Variants in LRP6 observed in about 807,000 individuals in gnomAD.
The protein encoded by LRP6 is LDL receptor related protein 6.
LRP6 carries 43 observed loss-of-function variants against 184.1 expected under a neutral mutation model. The ratio of observed to expected loss-of-function variants is 0.23; its 90% CI spans 0.18 to 0.30. The LOEUF (loss-of-function observed/expected upper bound fraction) is 0.30, where lower values mean the gene tolerates loss of function less well. Among genes scored for constraint, LRP6 ranks in the 10% least tolerant of loss-of-function variants. The pLI is 1.00. For synonymous variants in LRP6, 719 were observed against 684.9 expected (o/e 1.05, Z -0.78); for missense variants, 1,571 against 2,005.3 (o/e 0.78, Z 4.14).
intron 2 of LRP6, among the ~76,000 whole-genome samples, chr12:12,220,779 T>C (rs995011242): frequency 1.3e-5 from 2 of 152,148 alleles, no homozygotes; most frequent in East Asian, 1.9e-4. Flanking sequence ...TTTCTATTTT[T>C]AGGAGACACA....
chr12:12,236,184 G>A (rs534709681), intron 2 of LRP6, among the ~76,000 whole-genome samples: 35 of 152,132 alleles, frequency 2.3e-4, no homozygotes, highest in African/African-American at 8.2e-4. Context: ...CCAAGATGGC[G>A]CCACTGCACT....
At position 12,203,034 on chromosome 12, in the gene LRP6, A is replaced by T. The variant is rs145391306; in HGVS notation, c.647+169T>A. Among the ~76,000 whole-genome samples the T allele has an allele frequency of 5.0e-3, 766 of 152,352 alleles. 3 individuals carry two copies. The highest frequency in any genetic ancestry group is 7.5e-3 in the Non-Finnish European group (513 of 68,034). On this transcript the variant is annotated intron_variant, in intron 3 of 22. Transcript: ENST00000261349. ...CTAAATGCTATCAAGATGGATGATA[A>T]ATGTAATTACTTTTAAAGCACTTTT...
intron 2 of LRP6, among the ~76,000 whole-genome samples, chr12:12,237,445 A>T (rs2135904934): frequency 6.6e-6 from 1 of 152,332 alleles, no homozygotes; most frequent in South Asian, 2.1e-4. Context: ...CCATCAAGGA[A>T]TGCTAAAATT....
intron 13 of LRP6, 97 bp downstream of exon 13, chr12:12,150,739 C>A: frequency 7.8e-7 from 1 of 1,281,874 alleles, no homozygotes; most frequent in Admixed American, 1.7e-5. Flanking sequence ...CACATACACA[C>A]ACACTTAAGC....
At chr12:12,168,399 A>G (rs995730508) in intron 7 of LRP6, among the ~76,000 whole-genome samples, 6 of 152,232 alleles carry the variant, frequency 3.9e-5, no homozygotes, top group African/African-American at 1.2e-4. Context: ...AAAAAAAGAA[A>G]TGAGTTAAGA....
chr12:12,186,903 A>T lies in LRP6; in HGVS notation c.844+20T>A, dbSNP rs1164851032. ...ACAAAGCTGTTCCAACTTGCAATTT[A>T]AAAATCAAGGATCACTTACCATTTG... On this transcript the variant is annotated intron_variant, in intron 4 of 22. Transcript: ENST00000261349. 3.7e-6 allele frequency: 6 copies of T among 1,610,404 alleles called. No homozygotes were observed. Among genetic ancestry groups the T allele is most frequent in the Non-Finnish European group, 4.2e-6 (5 of 1,176,730 alleles).
chr12:12,249,030 A>G lies in LRP6; in HGVS notation c.56-4375T>C. ...GGCTCGGGGGTAAAAGTCCCTTGCA[A>G]TTTCCCACTTTTGGAAGAACTCAAA... On this transcript the variant is annotated intron_variant, in intron 1 of 22. Transcript: ENST00000261349. The G allele has an allele frequency of 9.2e-6, 6 of 655,244 alleles. No individual in the cohort carries two copies. The South Asian group carries it at 9.7e-5, about 11-fold the overall frequency. 40.6% of individuals were successfully genotyped at this position (655,244 alleles called of 1,614,324 possible). A position where few individuals can be genotyped will look rare whatever the true frequency, so the allele number is the denominator to read the frequency against.
chr12:12,133,648 G>A (rs1160899281), intron 17 of LRP6, among the ~76,000 whole-genome samples: 2 of 151,864 alleles, frequency 1.3e-5, no homozygotes, highest in Admixed American at 6.6e-5. Flanking sequence ...GTCAAAACTC[G>A]TTTTAATACA....
chr12:12,176,678 C>T (rs1863191393), intron 7 of LRP6, among the ~76,000 whole-genome samples: 2 of 152,098 alleles, frequency 1.3e-5, no homozygotes, highest in Admixed American at 6.6e-5. Context: ...TTCCACTAAG[C>T]GAGCAGGTAG....
At chr12:12,257,352 G>C (rs1455768453) in intron 1 of LRP6, among the ~76,000 whole-genome samples, 3 of 152,130 alleles carry the variant, frequency 2.0e-5, no homozygotes, top group Non-Finnish European at 2.9e-5. Context: ...GCCGAGGCGG[G>C]TGGATCACGA....
At chr12:12,162,851 C>A (rs1462527573) in intron 9 of LRP6, among the ~76,000 whole-genome samples, 1 of 152,114 alleles carries the variant, frequency 6.6e-6, no homozygotes, top group African/African-American at 2.4e-5. Flanking sequence ...AGCACTGAGT[C>A]CCATAACACT....
chr12:12,164,150 A>T, intron 9 of LRP6, 123 bp downstream of exon 9: 125 of 724,860 alleles, frequency 1.7e-4, no homozygotes, highest in Non-Finnish European at 2.5e-4. Flanking sequence ...AAAAAACTTG[A>T]GGGTTTTTGT....
chr12:12,261,402 C>CAA lies in LRP6; in HGVS notation c.55+5277_55+5278dup, dbSNP rs36054178. Reference sequence around the variant, plus strand: ...TGGGCGACAGAGCAAGACTCCGTCTCAAAAAAAAAAAAAAAAATTGAACCA... The same window carrying CAA: ...TGGGCGACAGAGCAAGACTCCGTCTCAAAAAAAAAAAAAAAAAAATTGAACCA... On this transcript the variant is annotated intron_variant, in intron 1 of 22. Coordinates refer to ENST00000261349, the MANE Select transcript of LRP6 (RefSeq NM_002336.3). Among the ~76,000 whole-genome samples the CAA allele has an allele frequency of 1.7e-3, 190 of 111,714 alleles. 1 individual carries two copies. Among genetic ancestry groups the CAA allele is most frequent in the Middle Eastern group, 5.0e-3 (1 of 202 alleles). 73.3% of individuals were successfully genotyped at this position (111,714 alleles called of 152,430 possible). A position where few individuals can be genotyped will look rare whatever the true frequency, so the allele number is the denominator to read the frequency against.
intron 2 of LRP6, among the ~76,000 whole-genome samples, chr12:12,230,058 T>C (rs1864741801): frequency 6.6e-6 from 1 of 152,254 alleles, no homozygotes; most frequent in South Asian, 2.1e-4. Context: ...TTGCTGTGTC[T>C]GGTCTCATAT....
chr12:12,230,874 T>A (rs1864765020), intron 2 of LRP6, among the ~76,000 whole-genome samples: 1 of 151,888 alleles, frequency 6.6e-6, no homozygotes, highest in Admixed American at 6.6e-5. Flanking sequence ...AGACCAAAAA[T>A]GAACAGGAAA....
chr12:12,160,198 A>C (rs752940520), intron 10 of LRP6, among the ~76,000 whole-genome samples: 1 of 152,138 alleles, frequency 6.6e-6, no homozygotes, highest in Admixed American at 6.5e-5. Context: ...TTTCCAATAC[A>C]TTTGTTCCAT....
chr12:12,135,995 G>A (rs1949833959), intron 16 of LRP6, among the ~76,000 whole-genome samples: 1 of 152,000 alleles, frequency 6.6e-6, no homozygotes, highest in Admixed American at 6.6e-5. Flanking sequence ...GACCAGCCTG[G>A]GCAACACAGT....
chr12:12,246,861 G>A (rs367757373), intron 1 of LRP6, among the ~76,000 whole-genome samples: 26 of 152,256 alleles, frequency 1.7e-4, no homozygotes, highest in African/African-American at 5.8e-4. Context: ...TTACACTATA[G>A]ATTGTGTCTG....
chr12:12,252,329 C>CT (rs1361427437), intron 1 of LRP6, among the ~76,000 whole-genome samples: 3 of 152,168 alleles, frequency 2.0e-5, no homozygotes, highest in African/African-American at 7.2e-5. Context: ...GAGATTTCCC[C>CT]TAAGGGGCCC....
Sources: gnomAD v4.1 joint callset for allele counts (sites outside exome capture counted in the v4.1 genomes callset) on GRCh38, gnomAD v4.1.1 for gene constraint, MANE v1.5 for transcripts, NCBI Gene and HGNC (gene_info 2026-07-23, HGNC 2026-07-21) for gene names.